TTC6: variants seen among roughly 807,000 people sequenced by gnomAD.
TTC6 encodes tetratricopeptide repeat protein 6.
Under a neutral mutation model 210.4 loss-of-function variants are expected in TTC6, and 172 were observed. The ratio of observed to expected loss-of-function variants is 0.82; its 90% CI spans 0.72 to 0.93. The LOEUF (loss-of-function observed/expected upper bound fraction) is 0.93, where lower values mean the gene tolerates loss of function less well. TTC6 is among the 40% of genes least tolerant of loss of function. The pLI, the probability that TTC6 is intolerant of heterozygous loss-of-function variation, is 0.00. For synonymous variants in TTC6, 804 were observed against 819.6 expected, an observed-to-expected ratio of 0.98 and a Z score of 0.32; for missense variants, 2,414 against 2,318.1, an observed-to-expected ratio of 1.04 and a Z score of -0.85.
intron 1 of TTC6, among the ~76,000 whole-genome samples, chr14:37,650,021 G>A (rs2095708370): frequency 6.6e-6 from 1 of 152,202 alleles, no homozygotes; most frequent in African/African-American, 2.4e-5. Flanking sequence ...TAGCGATTCA[G>A]TATTTTAAGG....
intron 14 of TTC6, among the ~76,000 whole-genome samples, chr14:37,765,630 T>C (rs2095996926): frequency 1.3e-5 from 2 of 152,154 alleles, no homozygotes; most frequent in Non-Finnish European, 2.9e-5. Flanking sequence ...TTCAGTACTT[T>C]TGTTGGTGTT....
intron 6 of TTC6, among the ~76,000 whole-genome samples, chr14:37,720,774 C>T (rs1344208457): frequency 6.6e-6 from 1 of 151,982 alleles, no homozygotes; most frequent in African/African-American, 2.4e-5. Context: ...ATAACTTCCT[C>T]GAAATGACAA....
intron 1 of TTC6, among the ~76,000 whole-genome samples, chr14:37,633,951 T>G (rs1159661116): frequency 6.6e-6 from 1 of 152,146 alleles, no homozygotes; most frequent in East Asian, 1.9e-4. Context: ...GGGAAGTGCC[T>G]CCCTGCGCTG....
chr14:37,739,079 TG>T lies in TTC6; in HGVS notation c.2289del (p.Trp763Ter). On this transcript the variant is annotated frameshift_variant, in exon 10 of 31. Coordinates refer to ENST00000553443, the Ensembl canonical transcript of TTC6. LOFTEE classifies it high-confidence loss of function. ...TTATCCCAAGAAAAAGAAGATGAGA[TG>T]GAAGAAAAGATTGAAACAACAAAAA... The T allele has an allele frequency of 6.5e-7, 1 of 1,532,524 alleles. No individual in the cohort carries two copies. Among genetic ancestry groups the T allele is most frequent in the Non-Finnish European group, 8.7e-7 (1 of 1,146,038 alleles). 94.9% of individuals were successfully genotyped at this position (1,532,524 alleles called of 1,614,324 possible). A position where few individuals can be genotyped will look rare whatever the true frequency, so the allele number is the denominator to read the frequency against.
At chr14:37,834,404 A>G (rs1005666512) in intron 29 of TTC6, among the ~76,000 whole-genome samples, 15 of 151,942 alleles carry the variant, frequency 9.9e-5, no homozygotes, top group Admixed American at 3.3e-4. Flanking sequence ...TGACTATTTC[A>G]TTTCTAAAGA....
chr14:37,819,824 A>G (rs1258363764), intron 26 of TTC6, among the ~76,000 whole-genome samples: 1 of 152,196 alleles, frequency 6.6e-6, no homozygotes, highest in East Asian at 1.9e-4. Flanking sequence ...ATTAATTTGG[A>G]AAATGCAGTG....
chr14:37,771,512 T>G (rs959418356), intron 14 of TTC6, among the ~76,000 whole-genome samples: 4 of 152,132 alleles, frequency 2.6e-5, no homozygotes, highest in African/African-American at 9.7e-5. Flanking sequence ...CTTTTTATGC[T>G]TTTTTTCTCT....
At chr14:37,664,396 T>A (rs1380916816) in intron 1 of TTC6, among the ~76,000 whole-genome samples, 2 of 150,612 alleles carry the variant, frequency 1.3e-5, no homozygotes, top group African/African-American at 2.4e-5. Context: ...CAAGAAGCAA[T>A]GGAGAAAAGA....
chr14:37,681,822 G>GAC (rs2095784399), intron 2 of TTC6, among the ~76,000 whole-genome samples: 1 of 152,078 alleles, frequency 6.6e-6, no homozygotes, highest in Non-Finnish European at 1.5e-5. Flanking sequence ...GCTTGCAGAG[G>GAC]ACACACACAC....
chr14:37,764,858 G>C (rs577269602), intron 14 of TTC6, among the ~76,000 whole-genome samples: 4 of 151,282 alleles, frequency 2.6e-5, no homozygotes, highest in South Asian at 2.1e-4. Flanking sequence ...TGTATATTTT[G>C]TGTATTATAT....
intron 1 of TTC6, among the ~76,000 whole-genome samples, chr14:37,601,901 G>A (rs758423333): frequency 1.3e-5 from 2 of 152,226 alleles, no homozygotes; most frequent in Admixed American, 6.5e-5. Context: ...ACTAAAAGTT[G>A]AAGAACCCCA....
chr14:37,706,490 A>T (rs188433521), intron 5 of TTC6, among the ~76,000 whole-genome samples: 48 of 152,246 alleles, frequency 3.2e-4, no homozygotes, highest in African/African-American at 1.1e-3. Context: ...TTGGTAAGAG[A>T]AATGCACAAG....
chr14:37,754,679 C>T (rs1395382473), intron 14 of TTC6, among the ~76,000 whole-genome samples: 2 of 152,110 alleles, frequency 1.3e-5, no homozygotes, highest in East Asian at 1.9e-4. Context: ...GTGATCCACC[C>T]ATCTTGGTCT....
chr14:37,671,833 TAGTG>T (rs1446528051), intron 1 of TTC6, among the ~76,000 whole-genome samples: 2 of 152,062 alleles, frequency 1.3e-5, no homozygotes, highest in African/African-American at 4.8e-5. Context: ...CTGTTCATGA[TAGTG>T]AGTGAATTCT....
intron 1 of TTC6, among the ~76,000 whole-genome samples, chr14:37,659,653 T>C (rs1340705234): frequency 6.6e-6 from 1 of 152,106 alleles, no homozygotes; most frequent in East Asian, 1.9e-4. Context: ...CCCGAACAAC[T>C]GGGATTACAG....
At chr14:37,783,370 T>C (rs1198596988) in intron 14 of TTC6, among the ~76,000 whole-genome samples, 4 of 152,174 alleles carry the variant, frequency 2.6e-5, no homozygotes, top group Admixed American at 1.3e-4. Context: ...AGGGTGTATG[T>C]GTCCAGGAAT....
intron 1 of TTC6, among the ~76,000 whole-genome samples, chr14:37,641,806 T>C (rs186378970): frequency 0.019 from 2,863 of 152,340 alleles, 39 homozygotes; most frequent in Non-Finnish European, 0.028. Context: ...TCTCATTTTT[T>C]ACTAAAATAG....
At chr14:37,825,681 C>T (rs1234377066) in intron 27 of TTC6, among the ~76,000 whole-genome samples, 1 of 152,048 alleles carries the variant, frequency 6.6e-6, no homozygotes, top group African/African-American at 2.4e-5. Flanking sequence ...CCATGGAATA[C>T]GTATAGTGAT....
At position 37,772,760 on chromosome 14, in the gene TTC6, G is replaced by A. The variant is rs539333892; in HGVS notation, c.3267-14708G>A. On this transcript the variant is annotated intron_variant, in intron 14 of 30. Coordinates refer to ENST00000553443, the Ensembl canonical transcript of TTC6. The stretch of plus-strand genomic sequence containing the variant: ...TCAGATGGAAATGCAGATATCACCC[G>A]TCTTCTGCGTTGCTCACGCTGGGAG... 3.5e-4 allele frequency among the ~76,000 whole-genome samples: 54 copies of A among 152,248 alleles called. No homozygotes were observed. In the East Asian group the frequency reaches 7.0e-3, roughly 20 times the overall value.
Sources: gnomAD v4.1 joint callset for allele counts (sites outside exome capture counted in the v4.1 genomes callset) on GRCh38, gnomAD v4.1.1 for gene constraint, MANE v1.5 for transcripts, NCBI Gene and HGNC (gene_info 2026-07-23, HGNC 2026-07-21) for gene names.